Variants in STRN observed in about 807,000 individuals in gnomAD.
STRN encodes striatin.
STRN carries 53 observed loss-of-function variants against 96.3 expected under a neutral mutation model. That is an observed-to-expected ratio of 0.55 (90% CI 0.44 to 0.69). The LOEUF is 0.69. STRN is among the 30% of genes least tolerant of loss of function. The pLI, the probability that STRN is intolerant of heterozygous loss-of-function variation, is 0.00. For missense variants in STRN, 987 were observed against 963.9 expected (o/e 1.02, Z -0.32); for synonymous variants, 428 against 355.9 (o/e 1.20, Z -2.28).
At position 36,878,712 on chromosome 2, in the gene STRN, T is replaced by C. The variant is rs569923536; in HGVS notation, c.1187-685A>G. The stretch of plus-strand genomic sequence containing the variant: ...ATATCAGCACTCTTCTGTAGGTATA[T>C]TATAGTTCATCTAAAATTTTTTTTT... On this transcript the variant is annotated intron_variant, in intron 9 of 17. Transcript: ENST00000263918. Among the ~76,000 whole-genome samples, 82 of 152,214 alleles carry C rather than the reference T, an allele frequency of 5.4e-4. 1 individual carries two copies. The highest frequency in any genetic ancestry group is 5.4e-3 in the Admixed American group (82 of 15,282).
chr2:36,940,459 G>A (rs1054139540), intron 1 of STRN, among the ~76,000 whole-genome samples: 14 of 152,096 alleles, frequency 9.2e-5, no homozygotes, highest in African/African-American at 3.4e-4. Flanking sequence ...TTAATAGTTG[G>A]TGAAGCTGAG....
intron 1 of STRN, among the ~76,000 whole-genome samples, chr2:36,957,998 C>A (rs1664938939): frequency 6.7e-6 from 1 of 150,294 alleles, no homozygotes; most frequent in Non-Finnish European, 1.5e-5. Context: ...TGGCTCACTG[C>A]AAGCTCCGCC....
chr2:36,926,812 CTT>C (rs1201656556), intron 1 of STRN, among the ~76,000 whole-genome samples: 1 of 152,100 alleles, frequency 6.6e-6, no homozygotes, highest in African/African-American at 2.4e-5. Context: ...CCACAAGACT[CTT>C]TTGAAATTAT....
intron 7 of STRN, among the ~76,000 whole-genome samples, chr2:36,887,850 T>A (rs1669281361): frequency 6.6e-6 from 1 of 152,248 alleles, no homozygotes; most frequent in African/African-American, 2.4e-5. Context: ...TATGTATTTA[T>A]ATTTACTATA....
intron 9 of STRN, among the ~76,000 whole-genome samples, chr2:36,881,984 C>G (rs1224059707): frequency 2.0e-5 from 3 of 152,118 alleles, no homozygotes; most frequent in Non-Finnish European, 2.9e-5. Context: ...ATCTGTAATT[C>G]AAAAGACATC....
intron 1 of STRN, among the ~76,000 whole-genome samples, chr2:36,932,220 T>C (rs1018496616): frequency 1.2e-4 from 18 of 152,162 alleles, no homozygotes; most frequent in African/African-American, 4.3e-4. Flanking sequence ...AGTGGCGTGA[T>C]CTCGGCTCAC....
At chr2:36,897,499 A>C (rs1278688289) in intron 6 of STRN, among the ~76,000 whole-genome samples, 3 of 151,558 alleles carry the variant, frequency 2.0e-5, no homozygotes, top group Non-Finnish European at 4.4e-5. Flanking sequence ...GCAGTGGCGC[A>C]ATCTCAGCTC....
intron 3 of STRN, among the ~76,000 whole-genome samples, chr2:36,910,644 TA>T (rs1669941807): frequency 1.3e-5 from 2 of 152,128 alleles, no homozygotes; most frequent in South Asian, 4.1e-4. Flanking sequence ...AAATATTTGA[TA>T]ATTCAAAAGA....
rs756156133 is a variant in STRN, at chr2:36,850,980, A to C, written c.2086+20T>G. On this transcript the variant is annotated intron_variant, in intron 16 of 17. Coordinates refer to ENST00000263918, the MANE Select transcript of STRN (RefSeq NM_003162.4). ...TTTTTTTTTTGCTTTAATAAAAATC[A>C]ATTCTTAATAAATTCTTACCTGTAT... 6.5e-7 allele frequency: 1 copy of C among 1,538,258 alleles called. No individual in the cohort carries two copies. The highest frequency in any genetic ancestry group is 1.4e-5 in the African/African-American group (1 of 70,730).
At chr2:36,877,756 G>A (rs1668952413) in intron 10 of STRN, 135 bp downstream of exon 10, 9 of 910,498 alleles carry the variant, frequency 9.9e-6, no homozygotes, top group Admixed American at 8.3e-5. Context: ...GGCTGGTTTT[G>A]AACTCCTGAC....
chr2:36,941,783 C>G (rs181532258), intron 1 of STRN, among the ~76,000 whole-genome samples: 1 of 151,566 alleles, frequency 6.6e-6, no homozygotes, highest in East Asian at 1.9e-4. Context: ...GAACTCCTGA[C>G]CTTGGGTGAT....
At chr2:36,903,164 C>T (rs964559071) in intron 4 of STRN, among the ~76,000 whole-genome samples, 1 of 152,090 alleles carries the variant, frequency 6.6e-6, no homozygotes, top group African/African-American at 2.4e-5. Context: ...TAGCATATAT[C>T]GTCTCCTTCA....
chr2:36,897,316 C>T (rs13432039), intron 6 of STRN, among the ~76,000 whole-genome samples: 239 of 151,902 alleles, frequency 1.6e-3, no homozygotes, highest in South Asian at 2.9e-3. Context: ...AAGTCCTTTT[C>T]GGCATATAGC....
intron 10 of STRN, among the ~76,000 whole-genome samples, chr2:36,875,450 G>A (rs1247945441): frequency 7.2e-6 from 1 of 138,408 alleles, no homozygotes; most frequent in Non-Finnish European, 1.5e-5. Flanking sequence ...AGGCTACAGT[G>A]AGCTGTGATC....
chr2:36,956,490 G>A (rs372274238), intron 1 of STRN, among the ~76,000 whole-genome samples: 3 of 152,118 alleles, frequency 2.0e-5, no homozygotes, highest in African/African-American at 7.2e-5. Flanking sequence ...AAACGCCAAA[G>A]ATCCAAGGAC....
At chr2:36,913,801 A>C (rs1670024249) in intron 3 of STRN, among the ~76,000 whole-genome samples, 1 of 152,242 alleles carries the variant, frequency 6.6e-6, no homozygotes, top group Non-Finnish European at 1.5e-5. Context: ...CTAAGAAAAT[A>C]AACATTTGAG....
At position 36,844,745 on chromosome 2, in the gene STRN, T is replaced by C. The variant is rs1668023564; in HGVS notation, c.*4711A>G. ...AAATACTTTGTCAACCTGGCATCCC[T>C]GACACTGACATGAAGATCCAGTTGG... On this transcript the variant is annotated 3_prime_UTR_variant, in exon 18 of 18. Coordinates refer to ENST00000263918, the MANE Select transcript of STRN (RefSeq NM_003162.4). The C allele has an allele frequency of 6.6e-6, 1 of 152,154 alleles. No individual in the cohort carries two copies. The highest frequency in any genetic ancestry group is 6.5e-5 in the Admixed American group (1 of 15,270). The allele number at this position is 152,154 out of a possible 1,614,324, so 9.4% of individuals were successfully genotyped here. A position where few individuals can be genotyped will look rare whatever the true frequency, so the allele number is the denominator to read the frequency against.
chr2:36,909,968 T>C (rs1486938617), intron 3 of STRN, among the ~76,000 whole-genome samples: 2 of 151,500 alleles, frequency 1.3e-5, no homozygotes, highest in Non-Finnish European at 2.9e-5. Context: ...AGGTCAGGAG[T>C]TCTAGACCAG....
chr2:36,962,116 T>C (rs976810283), intron 1 of STRN, among the ~76,000 whole-genome samples: 1 of 152,202 alleles, frequency 6.6e-6, no homozygotes, highest in Non-Finnish European at 1.5e-5. Flanking sequence ...GCAAGATCTG[T>C]ATTTTTGCTG....
Sources: allele counts gnomAD v4.1 joint callset (sites outside exome capture counted in the v4.1 genomes callset), GRCh38; gene constraint gnomAD v4.1.1; transcripts MANE v1.5; gene names NCBI Gene and HGNC (gene_info 2026-07-23, HGNC 2026-07-21).